Variants in SYT1 observed in about 807,000 individuals in gnomAD.
SYT1 encodes the protein synaptotagmin 1, also known as synaptotagmin-1.
A neutral mutation model predicts 44.8 loss-of-function variants in SYT1; 8 were observed. That is an observed-to-expected ratio of 0.18 (90% CI 0.10 to 0.32). SYT1 has a LOEUF of 0.32. Ranked by LOEUF, SYT1 falls within the 10% of genes least tolerant of loss-of-function variation. SYT1 has a pLI of 1.00. For missense variants in SYT1, 286 were observed against 509.3 expected (o/e 0.56, Z 4.22); for synonymous variants, 154 against 188.8 (o/e 0.82, Z 1.51).
At chr12:79,360,793 G>A (rs12317086) in intron 9 of SYT1, among the ~76,000 whole-genome samples, 5,020 of 152,164 alleles carry the variant, frequency 0.033, 94 homozygotes, top group Middle Eastern at 0.065. Flanking sequence ...ATCTGAATTC[G>A]TAAAACATGA....
chr12:79,145,741 TTTTTTTTTTTTG>T (rs1592789685), intron 3 of SYT1, among the ~76,000 whole-genome samples: 1 of 128,286 alleles, frequency 7.8e-6, no homozygotes, highest in East Asian at 2.2e-4. Flanking sequence ...ATAGTGGTTT[TTTTTTTTTTTTG>T]TTTGTTTGTT....
chr12:79,231,416 A>G (rs1462891344), intron 4 of SYT1, among the ~76,000 whole-genome samples: 1 of 152,114 alleles, frequency 6.6e-6, no homozygotes, highest in Admixed American at 6.6e-5. Context: ...GCTACCCTGG[A>G]GAAATTTCAA....
At chr12:79,269,664 G>A (rs1038402506) in intron 4 of SYT1, among the ~76,000 whole-genome samples, 3 of 151,618 alleles carry the variant, frequency 2.0e-5, no homozygotes, top group African/African-American at 7.3e-5. Context: ...TCTGCACTCG[G>A]GTACCACATA....
At chr12:79,399,335 A>G (rs1305374069) in intron 9 of SYT1, among the ~76,000 whole-genome samples, 1 of 145,348 alleles carries the variant, frequency 6.9e-6, no homozygotes, top group Non-Finnish European at 1.5e-5. Context: ...CACTGTCTTC[A>G]GTAGGTAATC....
intron 9 of SYT1, among the ~76,000 whole-genome samples, chr12:79,402,262 A>C (rs1885097717): frequency 6.6e-6 from 1 of 152,196 alleles, no homozygotes; most frequent in Admixed American, 6.5e-5. Flanking sequence ...CTGGAAGTGC[A>C]GGCTACTTTC....
intron 3 of SYT1, among the ~76,000 whole-genome samples, chr12:79,078,803 G>C (rs546811153): frequency 6.6e-6 from 1 of 152,274 alleles, no homozygotes; most frequent in African/African-American, 2.4e-5. Context: ...CACACACACA[G>C]AAAGAAACGG....
intron 8 of SYT1, among the ~76,000 whole-genome samples, chr12:79,348,251 G>A (rs1218915501): frequency 6.6e-6 from 1 of 152,166 alleles, no homozygotes; most frequent in Non-Finnish European, 1.5e-5. Flanking sequence ...AGCAAGAAGA[G>A]ATGCAGAGAG....
At chr12:78,868,427 C>G (rs566032953) in intron 1 of SYT1, among the ~76,000 whole-genome samples, 18 of 151,796 alleles carry the variant, frequency 1.2e-4, no homozygotes, top group African/African-American at 4.3e-4. Context: ...ATTTATTTAT[C>G]ATAAATATAT....
intron 1 of SYT1, among the ~76,000 whole-genome samples, chr12:78,969,787 C>G (rs1238881720): frequency 2.6e-5 from 4 of 152,074 alleles, no homozygotes; most frequent in Non-Finnish European, 5.9e-5. Flanking sequence ...GGGGAGGTGA[C>G]GTGCTTTATC....
At chr12:79,221,619 T>A (rs1372191036) in intron 4 of SYT1, among the ~76,000 whole-genome samples, 1 of 152,178 alleles carries the variant, frequency 6.6e-6, no homozygotes, top group Non-Finnish European at 1.5e-5. Context: ...AAAACATCTA[T>A]AGTTATAACA....
intron 1 of SYT1, among the ~76,000 whole-genome samples, chr12:78,958,329 T>C (rs886421391): frequency 2.0e-5 from 3 of 152,152 alleles, no homozygotes; most frequent in Non-Finnish European, 4.4e-5. Context: ...TTTTTTTTCT[T>C]TTTTTCCCCT....
chr12:79,194,896 A>C (rs1241003705), intron 3 of SYT1, among the ~76,000 whole-genome samples: 1 of 152,180 alleles, frequency 6.6e-6, no homozygotes, highest in Admixed American at 6.5e-5. Context: ...CTAAGGTCAA[A>C]TTGTCAATAG....
At chr12:79,089,146 G>A (rs1877601358) in intron 3 of SYT1, among the ~76,000 whole-genome samples, 1 of 151,938 alleles carries the variant, frequency 6.6e-6, no homozygotes, top group Admixed American at 6.6e-5. Context: ...GTGAGAAATG[G>A]GAGACAATAA....
chr12:79,073,587 G>T (rs945461451), intron 3 of SYT1, among the ~76,000 whole-genome samples: 1 of 152,094 alleles, frequency 6.6e-6, no homozygotes, highest in Non-Finnish European at 1.5e-5. Flanking sequence ...TCCTGGCTTG[G>T]CTAGAAGGAC....
intron 3 of SYT1, among the ~76,000 whole-genome samples, chr12:79,186,534 T>G (rs1170742444): frequency 6.6e-6 from 1 of 152,042 alleles, no homozygotes; most frequent in East Asian, 1.9e-4. Flanking sequence ...CTTTTGAAAC[T>G]TTTTCTTTGA....
At chr12:79,316,730 T>G (rs1476410221) in intron 8 of SYT1, among the ~76,000 whole-genome samples, 1 of 152,214 alleles carries the variant, frequency 6.6e-6, no homozygotes. Context: ...GTTTATTCTC[T>G]AAGTGTAGGT....
At chr12:79,058,029 A>G (rs1592709404) in intron 3 of SYT1, among the ~76,000 whole-genome samples, 1 of 152,032 alleles carries the variant, frequency 6.6e-6, no homozygotes, top group East Asian at 1.9e-4. Context: ...GGACAATTGT[A>G]TATTTATGGA....
At chr12:79,293,905 C>T (rs1879758654) in intron 6 of SYT1, among the ~76,000 whole-genome samples, 1 of 152,130 alleles carries the variant, frequency 6.6e-6, no homozygotes, top group Admixed American at 6.5e-5. Flanking sequence ...TATTTGTGGT[C>T]ATTTCTATCA....
intron 4 of SYT1, among the ~76,000 whole-genome samples, chr12:79,271,315 C>T (rs757584671): frequency 3.9e-5 from 6 of 151,970 alleles, no homozygotes; most frequent in Non-Finnish European, 7.4e-5. Flanking sequence ...GAAATAATGA[C>T]GTTTTTCCAT....
Sources: allele counts gnomAD v4.1 joint callset (sites outside exome capture counted in the v4.1 genomes callset), GRCh38; gene constraint gnomAD v4.1.1; transcripts MANE v1.5; gene names NCBI Gene and HGNC (gene_info 2026-07-23, HGNC 2026-07-21).